The following KLF4 variants were observed in gnomAD, a reference collection of about 807,000 sequenced individuals.
KLF4 encodes KLF transcription factor 4, also known as Krueppel-like factor 4.
In KLF4, 14 loss-of-function variants were observed where a neutral mutation model predicts 38.0. The observed-to-expected ratio is 0.37, with a 90% CI of 0.24 to 0.58. The LOEUF (loss-of-function observed/expected upper bound fraction) is 0.58, where lower values mean the gene tolerates loss of function less well. Among genes scored for constraint, KLF4 ranks in the 20% least tolerant of loss-of-function variants. The pLI, the probability that KLF4 is intolerant of heterozygous loss-of-function variation, is 0.76. For missense variants in KLF4, 737 were observed against 670.1 expected (o/e 1.10, Z -1.10); for synonymous variants, 398 against 302.5 (o/e 1.32, Z -3.28).
Position 107,487,592 on chromosome 9 carries a change from C to G in KLF4, c.802G>C (p.Gly268Arg). The stretch of plus-strand genomic sequence containing the variant: ...TTGGGGCACGTGCGCGGCGGCCCGC[C>G]GTTGTAGGGCGCCACCACCACCGGG... ...SHPVVVAPYN[G>R]GPPRTCPKIK... Residue 268 changes from glycine (G) to arginine (R), a missense_variant, in exon 3 of 5, where the codon GGC becomes CGC. By Grantham distance (125) the Gly-to-Arg change is moderately radical. Transcript: ENST00000374672. This position sits in a 1 kb window ranked among gnomAD's most constrained non-coding sequence, Gnocchi z 6.1. 1 of 1,592,910 alleles carries G rather than the reference C, an allele frequency of 6.3e-7. No individual in the cohort carries two copies. Among genetic ancestry groups the G allele is most frequent in the Non-Finnish European group, 8.5e-7 (1 of 1,173,614 alleles).
chr9:107,486,619 T>G (rs1033580570), intron 4 of KLF4, among the ~76,000 whole-genome samples: 1 of 152,022 alleles, frequency 6.6e-6, no homozygotes, highest in Non-Finnish European at 1.5e-5. Context: ...AGGGTGAACC[T>G]GGGAAGGGAA....
rs956063677 is a variant in KLF4, at chr9:107,485,979, G to A, written c.1265-53C>T. ...GACGCTATTGCTATATCAAAGAATCGCCCCTTTTAAAAACTGAAGGCCAGA... is the reference window on the plus strand; with the variant it reads ...GACGCTATTGCTATATCAAAGAATCACCCCTTTTAAAAACTGAAGGCCAGA... On this transcript the variant is annotated intron_variant, in intron 4 of 4. Transcript: ENST00000374672. This position sits in a 1 kb window ranked among gnomAD's most constrained non-coding sequence, Gnocchi z 4.9. 2.6e-6 allele frequency: 4 copies of A among 1,545,252 alleles called. No homozygotes were observed. Among genetic ancestry groups the A allele is most frequent in the African/African-American group, 1.4e-5 (1 of 71,754 alleles).
Position 107,488,058 on chromosome 9 carries a change from C to T in KLF4, c.336G>A (p.Ser112=). The T allele has an allele frequency of 6.2e-7, 1 of 1,612,818 alleles. No homozygotes were observed. ...CCACTGACTCCGGAGGATGGGTCAG[C>T]GAATTGGAGAGAATAAAGTCCAGGT... The part of the protein sequence containing the change: ...LLDLDFILSN[S]LTHPPESVAA... The change falls in exon 3 of 5, where the codon TCG becomes TCA. Residue 112 remains serine, a synonymous_variant. Transcript: ENST00000374672. The surrounding 1 kb of genome is among the most constrained non-coding windows in gnomAD (Gnocchi z 5.7).
Position 107,487,967 on chromosome 9 carries a change from T to G in KLF4, c.427A>C (p.Ser143Arg). The G allele has an allele frequency of 6.3e-7, 1 of 1,586,268 alleles. No homozygotes were observed. The highest frequency in any genetic ancestry group is 1.3e-5 in the African/African-American group (1 of 74,554). The change falls in exon 3 of 5, where the codon AGC (serine) becomes CGC (arginine). Residue 143 changes from serine (S) to arginine (R), a missense_variant. Coordinates refer to ENST00000374672, the MANE Select transcript of KLF4 (RefSeq NM_004235.6). This position sits in a 1 kb window ranked among gnomAD's most constrained non-coding sequence, Gnocchi z 6.1. ...GTGAAGCTGCAGGTGGAGGGCGCGC[T>G]GGCAGGGCCGCTGCTCGACGGCGAC... ...SSSPSSSGPA[S>R]APSTCSFTYP...
chr9:107,486,826 C>A (rs1163306437), intron 4 of KLF4, among the ~76,000 whole-genome samples: 1 of 152,080 alleles, frequency 6.6e-6, no homozygotes, highest in Non-Finnish European at 1.5e-5. Context: ...AAGTAGGCGC[C>A]GGTTTGCTGT....
At position 107,487,580 on chromosome 9, in the gene KLF4, G is replaced by A. The variant is rs1259977843; in HGVS notation, c.814C>T (p.Arg272Cys). The A allele has an allele frequency of 1.3e-6, 2 of 1,577,406 alleles. No individual in the cohort carries two copies. The highest frequency in any genetic ancestry group is 2.7e-5 in the African/African-American group (2 of 74,252). Residue 272 changes from arginine to cysteine, a missense_variant, in exon 3 of 5, where the codon CGC becomes TGC. Physicochemically the swap from Arg to Cys is radical, Grantham distance 180. This residue lies in a region of KLF4 where 695 missense variants were observed against 554.5 expected (regional missense o/e 1.25). Transcript: ENST00000374672. This position sits in a 1 kb window ranked among gnomAD's most constrained non-coding sequence, Gnocchi z 6.1. The part of the protein sequence containing the change: ...VVAPYNGGPP[R>C]TCPKIKQEAV... ...TCCTGCTTGATCTTGGGGCACGTGC[G>A]CGGCGGCCCGCCGTTGTAGGGCGCC...
chr9:107,488,780 C>G lies in KLF4; in HGVS notation c.126+150G>C. 8.7e-7 allele frequency: 1 copy of G among 1,149,766 alleles called. No homozygotes were observed. Among genetic ancestry groups the G allele is most frequent in the Non-Finnish European group, 1.2e-6 (1 of 829,364 alleles). 71.2% of individuals were successfully genotyped at this position (1,149,766 alleles called of 1,614,324 possible). On this transcript the variant is annotated intron_variant, in intron 2 of 4. Transcript: ENST00000374672. The surrounding 1 kb of genome is among the most constrained non-coding windows in gnomAD (Gnocchi z 5.7). ...GGCATACACAGCTGAGCCAAGGACA[C>G]GGAAGCTATCCCGGGAAGGTTGCGG...
At position 107,486,997 on chromosome 9, in the gene KLF4, C is replaced by G. The variant is rs369005434; in HGVS notation, c.1264+31G>C. The G allele has an allele frequency of 3.7e-6, 6 of 1,613,796 alleles. No homozygotes were observed. In the African/African-American group the frequency reaches 5.3e-5, roughly 14 times the overall value. On this transcript the variant is annotated intron_variant, in intron 4 of 4. Coordinates refer to ENST00000374672, the MANE Select transcript of KLF4 (RefSeq NM_004235.6). The stretch of plus-strand genomic sequence containing the variant: ...GGTAGCCTATGGGGCTGGAAGCTAA[C>G]CCCCCTCCCTTCTGCAGTTTGTCCC...
chr9:107,487,173 G>C lies in KLF4; in HGVS notation c.1119C>G (p.Ser373=), dbSNP rs780426320. 2.5e-6 allele frequency: 4 copies of C among 1,614,204 alleles called. No individual in the cohort carries two copies. Among genetic ancestry groups the C allele is most frequent in the African/African-American group, 2.7e-5 (2 of 75,066 alleles). Residue 373 remains serine, a synonymous_variant, in exon 4 of 5, where the codon TCC becomes TCG. Transcript: ENST00000374672. This position sits in a 1 kb window ranked among gnomAD's most constrained non-coding sequence, Gnocchi z 6.1. ...LHYQELMPPG[S]CMPEEPKPKR... is the part of the protein sequence containing the mutation. ...TTGGCTTGGGCTCCTCTGGCATGCA[G>C]GAACCGGGTGGCATGAGCTCTAGGG...
chr9:107,488,608 C>G lies in KLF4; in HGVS notation c.126+322G>C, dbSNP rs1257581449. On this transcript the variant is annotated intron_variant, in intron 2 of 4. Coordinates refer to ENST00000374672, the MANE Select transcript of KLF4 (RefSeq NM_004235.6). This position sits in a 1 kb window ranked among gnomAD's most constrained non-coding sequence, Gnocchi z 5.7. ...CTCTCGCCACGGGGCCGCCTACGCG[C>G]TAAACTCACTCTGGCCCAGCCAGTG... Among the ~76,000 whole-genome samples, 1 of 152,190 alleles carries G rather than the reference C, an allele frequency of 6.6e-6. No individual in the cohort carries two copies. The highest frequency in any genetic ancestry group is 1.9e-4 in the East Asian group (1 of 5,166).
At position 107,485,646 on chromosome 9, in the gene KLF4, T is replaced by TA. The variant is rs1829046221; in HGVS notation, c.*104dup. On this transcript the variant is annotated 3_prime_UTR_variant, in exon 5 of 5. Transcript: ENST00000374672. This position sits in a 1 kb window ranked among gnomAD's most constrained non-coding sequence, Gnocchi z 4.9. ...TCAGTTGGGAACTTGACCATGATTGTAGTGCTTTCTGGCTGGGCTCCTTCC... is the reference window on the plus strand; with the variant it reads ...TCAGTTGGGAACTTGACCATGATTGTAAGTGCTTTCTGGCTGGGCTCCTTCC... 3 of 1,125,702 alleles carry TA rather than the reference T, an allele frequency of 2.7e-6. No homozygotes were observed. The highest frequency in any genetic ancestry group is 3.4e-5 in the South Asian group (2 of 58,440). The allele number at this position is 1,125,702 out of a possible 1,614,324, so 69.7% of individuals were successfully genotyped here. A position where few individuals can be genotyped will look rare whatever the true frequency, so the allele number is the denominator to read the frequency against.
chr9:107,485,735 A>G lies in KLF4; in HGVS notation c.*16T>C. 1 of 1,564,630 alleles carries G rather than the reference A, an allele frequency of 6.4e-7. No individual in the cohort carries two copies. The highest frequency in any genetic ancestry group is 8.6e-7 in the Non-Finnish European group (1 of 1,158,774). On this transcript the variant is annotated 3_prime_UTR_variant, in exon 5 of 5. Coordinates refer to ENST00000374672, the MANE Select transcript of KLF4 (RefSeq NM_004235.6). This position sits in a 1 kb window ranked among gnomAD's most constrained non-coding sequence, Gnocchi z 4.9. ...ATTCTCTTCTGGCAGTGTGGGTCAT[A>G]TCCACTGTCTGGGATTTAAAAATGC...
At position 107,489,426 on chromosome 9, in the gene KLF4, G is replaced by A. The variant is rs889349850; in HGVS notation, c.-254C>T. On this transcript the variant is annotated 5_prime_UTR_variant, in exon 1 of 5. Transcript: ENST00000374672. ...TAAGTAGGTCCGGTGGCCGGGCTGC[G>A]CTCTCTTCCACTCAGCAGCGTCCCC... The A allele has an allele frequency of 2.2e-6, 1 of 461,866 alleles. No homozygotes were observed. The highest frequency in any genetic ancestry group is 4.6e-5 in the South Asian group (1 of 21,634). 28.6% of individuals were successfully genotyped at this position (461,866 alleles called of 1,614,324 possible). A position where few individuals can be genotyped will look rare whatever the true frequency, so the allele number is the denominator to read the frequency against.
chr9:107,486,423 T>A (rs1374507672), intron 4 of KLF4, among the ~76,000 whole-genome samples: 1 of 151,934 alleles, frequency 6.6e-6, no homozygotes, highest in Non-Finnish European at 1.5e-5. Flanking sequence ...ATGGAAATGC[T>A]CTGCAGTGAC....
rs1829139499 is a variant in KLF4, at chr9:107,488,905, C to G, written c.126+25G>C. ...CACCCACGAAAACCCACCGGGCGTT[C>G]CCGGCGGCCCGGAGCGATACTCACG... is the stretch of plus-strand genomic sequence containing the variant. On this transcript the variant is annotated intron_variant, in intron 2 of 4. Transcript: ENST00000374672. This position sits in a 1 kb window ranked among gnomAD's most constrained non-coding sequence, Gnocchi z 5.7. 1 of 1,545,162 alleles carries G rather than the reference C, an allele frequency of 6.5e-7. No individual in the cohort carries two copies. Among genetic ancestry groups the G allele is most frequent in the Non-Finnish European group, 8.8e-7 (1 of 1,142,670 alleles).
rs1829133017 is a variant in KLF4 at position 107,488,590 on chromosome 9, C to T, written c.127-323G>A. On this transcript the variant is annotated intron_variant, in intron 2 of 4. Transcript: ENST00000374672. This position sits in a 1 kb window ranked among gnomAD's most constrained non-coding sequence, Gnocchi z 5.7. ...CGAGGCTCTCTCGGTGCGCTCTCGCCACGGGGCCGCCTACGCGCTAAACTC... is the reference window on the plus strand; with the variant it reads ...CGAGGCTCTCTCGGTGCGCTCTCGCTACGGGGCCGCCTACGCGCTAAACTC... 1 of 494,476 alleles carries T rather than the reference C, an allele frequency of 2.0e-6. No individual in the cohort carries two copies. The highest frequency in any genetic ancestry group is 2.0e-5 in the African/African-American group (1 of 50,460). The allele number at this position is 494,476 out of a possible 1,614,324, so 30.6% of individuals were successfully genotyped here.
In KLF4 at chr9:107,488,120, G is replaced by T; in HGVS notation, c.274C>A (p.Pro92Thr). The change falls in exon 3 of 5, where the codon CCT becomes ACT. Residue 92 changes from proline (P) to threonine (T), a missense_variant. Physicochemically the swap from Pro to Thr is conservative, Grantham distance 38. Around this residue, in one of 2 missense-constraint regions of KLF4, gnomAD observed 695 missense variants for 554.5 expected, o/e 1.25. Coordinates refer to ENST00000374672, the MANE Select transcript of KLF4 (RefSeq NM_004235.6). This position sits in a 1 kb window ranked among gnomAD's most constrained non-coding sequence, Gnocchi z 5.7. The part of the protein sequence containing the change: ...ACGGSNLAPL[P>T]RRETEEFNDL... ...TTGAACTCCTCGGTCTCTCTCCGAGGTAGGGGCGCCAGGTTGCTACCGCCG... is the reference window on the plus strand; with the variant it reads ...TTGAACTCCTCGGTCTCTCTCCGAGTTAGGGGCGCCAGGTTGCTACCGCCG... 6.2e-7 allele frequency: 1 copy of T among 1,612,818 alleles called. No homozygotes were observed. Among genetic ancestry groups the T allele is most frequent in the Non-Finnish European group, 8.5e-7 (1 of 1,179,908 alleles).
Position 107,487,409 on chromosome 9 carries a change from C to T in KLF4, c.985G>A (p.Asp329Asn). ...GGAAGCGGCAGGGCAGGGTGACAGTCCCTGCTGCTCAGCACTTCCTCAAGA... is the reference window on the plus strand; with the variant it reads ...GGAAGCGGCAGGGCAGGGTGACAGTTCCTGCTGCTCAGCACTTCCTCAAGA... Reference protein sequence around the residue: ...LGLEEVLSSRDCHPALPLPPG... With the variant: ...LGLEEVLSSRNCHPALPLPPG... The change falls in exon 3 of 5, where the codon GAC becomes AAC. Residue 329 changes from aspartate (D) to asparagine (N), a missense_variant. Asp to Asn is a conservative substitution (Grantham distance 23). Around this residue, in one of 2 missense-constraint regions of KLF4, gnomAD observed 695 missense variants for 554.5 expected, o/e 1.25. Coordinates refer to ENST00000374672, the MANE Select transcript of KLF4 (RefSeq NM_004235.6). The surrounding 1 kb of genome is among the most constrained non-coding windows in gnomAD (Gnocchi z 6.1). 4 of 1,518,226 alleles carry T rather than the reference C, an allele frequency of 2.6e-6. No homozygotes were observed. The highest frequency in any genetic ancestry group is 8.8e-7 in the Non-Finnish European group (1 of 1,134,668). 94.0% of individuals were successfully genotyped at this position (1,518,226 alleles called of 1,614,324 possible).
At position 107,489,253 on chromosome 9, in the gene KLF4, G is replaced by T; in HGVS notation, c.-81C>A. ...CCCAAAGTCAACGAAGAGAAGAAACGAAGCCAAAACCCAAAACCCCAAATT... is the reference window on the plus strand; with the variant it reads ...CCCAAAGTCAACGAAGAGAAGAAACTAAGCCAAAACCCAAAACCCCAAATT... On this transcript the variant is annotated 5_prime_UTR_variant, in exon 1 of 5. Transcript: ENST00000374672. 3.5e-6 allele frequency: 5 copies of T among 1,423,098 alleles called. No homozygotes were observed. The highest frequency in any genetic ancestry group is 3.7e-6 in the Non-Finnish European group (4 of 1,085,830). The allele number at this position is 1,423,098 out of a possible 1,614,324, so 88.2% of individuals were successfully genotyped here.
Sources: gnomAD v4.1 joint callset for allele counts (sites outside exome capture counted in the v4.1 genomes callset) on GRCh38, gnomAD v4.1.1 for gene constraint, gnomAD v4.1.1 regional missense constraint, Gnocchi (gnomAD v3.1) non-coding constraint, MANE v1.5 for transcripts, NCBI Gene and HGNC (gene_info 2026-07-23, HGNC 2026-07-21) for gene names.